The following EEPD1 variants were observed in gnomAD, a reference collection of about 807,000 sequenced individuals.
The protein encoded by EEPD1 is endonuclease/exonuclease/phosphatase family domain containing 1.
EEPD1 carries 17 observed loss-of-function variants against 46.3 expected under a neutral mutation model. That is an observed-to-expected ratio of 0.37 (90% CI 0.25 to 0.55). EEPD1 has a LOEUF of 0.55. EEPD1 is among the 20% of genes least tolerant of loss of function. The probability of loss-of-function intolerance (pLI) is 0.83; values close to 1 mark genes in which losing one functional copy is unlikely to be tolerated. For synonymous variants in EEPD1, 313 were observed against 315.6 expected (o/e 0.99, Z 0.09); for missense variants, 673 against 745.6 (o/e 0.90, Z 1.13).
At chr7:36,204,403 A>G (rs889764296) in intron 2 of EEPD1, among the ~76,000 whole-genome samples, 17 of 150,772 alleles carry the variant, frequency 1.1e-4, no homozygotes, top group Admixed American at 2.7e-4. Flanking sequence ...TTATCTAAGA[A>G]CAGCAGCAAT....
intron 2 of EEPD1, among the ~76,000 whole-genome samples, chr7:36,234,685 A>G (rs1024581309): frequency 4.6e-5 from 7 of 152,008 alleles, no homozygotes; most frequent in Non-Finnish European, 8.8e-5. Flanking sequence ...AAAAAAAAAA[A>G]AGATAAATTG....
chr7:36,159,407 G>T (rs1784870536), intron 2 of EEPD1, among the ~76,000 whole-genome samples: 1 of 152,196 alleles, frequency 6.6e-6, no homozygotes. Flanking sequence ...AACATCTGGG[G>T]ACAGAATGCC....
At chr7:36,175,316 G>A (rs186474419) in intron 2 of EEPD1, among the ~76,000 whole-genome samples, 5 of 152,252 alleles carry the variant, frequency 3.3e-5, no homozygotes, top group East Asian at 1.9e-4. Flanking sequence ...CTGCGGCCTC[G>A]AACTCCTGGG....
chr7:36,154,826 C>T lies in EEPD1; in HGVS notation c.502C>T (p.His168Tyr), dbSNP rs1483854544. ...ALSIVDFRRE[H>Y]GPFRSVEDLV... ...CAGCATCGTGGACTTCCGCCGTGAG[C>T]ATGGGCCCTTTCGCAGCGTTGAGGA... The change falls in exon 2 of 8, where the codon CAT (histidine) becomes TAT (tyrosine). Residue 168 changes from histidine to tyrosine, a missense_variant. Physicochemically the swap from His to Tyr is moderately conservative, Grantham distance 83 (BLOSUM62 2). Transcript: ENST00000242108. This position sits in a 1 kb window ranked among gnomAD's most constrained non-coding sequence, Gnocchi z 4.2. 6.2e-7 allele frequency: 1 copy of T among 1,614,222 alleles called. No individual in the cohort carries two copies. The highest frequency in any genetic ancestry group is 8.5e-7 in the Non-Finnish European group (1 of 1,180,048).
In EEPD1 at chr7:36,299,120, A is replaced by G; in HGVS notation, c.1624A>G (p.Lys542Glu). Residue 542 changes from lysine (K) to glutamate (E), a missense_variant, in exon 8 of 8, where the codon AAG becomes GAG. Transcript: ENST00000242108. Reference protein sequence around the residue: ...CPVLAEFYTEKDWSKKDAPRN... With the variant: ...CPVLAEFYTEEDWSKKDAPRN... ...AGTGCTAGCCGAGTTCTACACTGAA[A>G]AGGACTGGAGCAAGAAGGATGCCCC... 13 of 1,611,496 alleles carry G rather than the reference A, an allele frequency of 8.1e-6. No homozygotes were observed. Among genetic ancestry groups the G allele is most frequent in the East Asian group, 2.2e-5 (1 of 44,856 alleles).
chr7:36,275,782 G>A (rs1225450776), intron 3 of EEPD1, among the ~76,000 whole-genome samples: 4 of 151,970 alleles, frequency 2.6e-5, no homozygotes, highest in East Asian at 1.9e-4. Context: ...TTTTATTTCC[G>A]AGTCAGCACC....
chr7:36,235,244 C>T (rs1303295634), intron 2 of EEPD1, among the ~76,000 whole-genome samples: 2 of 152,218 alleles, frequency 1.3e-5, no homozygotes, highest in African/African-American at 2.4e-5. Context: ...CCCACAGCAT[C>T]GACCACCTGC....
chr7:36,182,942 C>A (rs1237458294), intron 2 of EEPD1, among the ~76,000 whole-genome samples: 1 of 152,194 alleles, frequency 6.6e-6, no homozygotes, highest in Non-Finnish European at 1.5e-5. Flanking sequence ...CTCATGTGAC[C>A]TTTGACCCCT....
chr7:36,217,752 G>A (rs1786054471), intron 2 of EEPD1, among the ~76,000 whole-genome samples: 1 of 152,210 alleles, frequency 6.6e-6, no homozygotes, highest in African/African-American at 2.4e-5. Context: ...TACAGGGAGA[G>A]AGGGGGGATT....
chr7:36,215,197 C>A (rs551601578), intron 2 of EEPD1, among the ~76,000 whole-genome samples: 1 of 152,180 alleles, frequency 6.6e-6, no homozygotes, highest in South Asian at 2.1e-4. Flanking sequence ...ACGAGCCGAG[C>A]CCACCCGCTG....
chr7:36,257,886 C>T (rs1312026622), intron 3 of EEPD1, among the ~76,000 whole-genome samples: 1 of 152,132 alleles, frequency 6.6e-6, no homozygotes, highest in Non-Finnish European at 1.5e-5. Context: ...AGTTGTGATC[C>T]TTTGGAAGAG....
intron 3 of EEPD1, among the ~76,000 whole-genome samples, chr7:36,262,152 T>C (rs741296): frequency 0.39 from 59,113 of 152,086 alleles, 12,381 homozygotes; most frequent in Non-Finnish European, 0.47. Context: ...CCTACCTAAC[T>C]CTTGTCCATG....
At chr7:36,291,200 G>A (rs1026714784) in intron 6 of EEPD1, among the ~76,000 whole-genome samples, 1 of 152,204 alleles carries the variant, frequency 6.6e-6, no homozygotes, top group Non-Finnish European at 1.5e-5. Flanking sequence ...AATGAATGTA[G>A]CATCTTTCTC....
At chr7:36,184,212 A>G (rs905360517) in intron 2 of EEPD1, among the ~76,000 whole-genome samples, 2 of 152,212 alleles carry the variant, frequency 1.3e-5, no homozygotes, top group African/African-American at 4.8e-5. Flanking sequence ...TTTGAATGTC[A>G]TAATTATAAT....
chr7:36,284,665 C>T (rs1346771160), intron 4 of EEPD1, 21 bp from the exon 5 acceptor site: 1 of 1,607,220 alleles, frequency 6.2e-7, no homozygotes, highest in Admixed American at 1.7e-5. Context: ...CACCAAGACT[C>T]TGTCTCCCTC....
At chr7:36,264,487 A>T (rs1278512828) in intron 3 of EEPD1, among the ~76,000 whole-genome samples, 2 of 152,238 alleles carry the variant, frequency 1.3e-5, no homozygotes, top group East Asian at 1.9e-4. Flanking sequence ...CAGCATTGGC[A>T]CAGGGTGAGC....
chr7:36,194,582 T>A (rs918331023), intron 2 of EEPD1, among the ~76,000 whole-genome samples: 2 of 152,170 alleles, frequency 1.3e-5, no homozygotes, highest in East Asian at 3.9e-4. Context: ...CTAGAACTTG[T>A]GAACATTCAT....
intron 3 of EEPD1, among the ~76,000 whole-genome samples, chr7:36,254,284 C>T (rs1486373379): frequency 1.3e-5 from 2 of 152,122 alleles, no homozygotes; most frequent in African/African-American, 4.8e-5. Flanking sequence ...CCCTAGCCCC[C>T]GACTCCCTGA....
intron 3 of EEPD1, among the ~76,000 whole-genome samples, chr7:36,251,650 A>G (rs1786740954): frequency 6.6e-6 from 1 of 152,106 alleles, no homozygotes; most frequent in Admixed American, 6.6e-5. Context: ...CTCATCCTAC[A>G]CAGCCAACCT....
Sources: gnomAD v4.1 joint callset for allele counts (sites outside exome capture counted in the v4.1 genomes callset) on GRCh38, gnomAD v4.1.1 for gene constraint, Gnocchi (gnomAD v3.1) non-coding constraint, MANE v1.5 for transcripts, NCBI Gene and HGNC (gene_info 2026-07-23, HGNC 2026-07-21) for gene names.